Variants in KCNQ5 observed in about 807,000 individuals in gnomAD.
KCNQ5 encodes the protein potassium voltage-gated channel subfamily Q member 5.
Under a neutral mutation model 98.2 loss-of-function variants are expected in KCNQ5, and 30 were observed. That is an observed-to-expected ratio of 0.31 (90% CI 0.23 to 0.41). The LOEUF is 0.41. Among genes scored for constraint, KCNQ5 ranks in the 10% least tolerant of loss-of-function variants. The probability of loss-of-function intolerance (pLI) is 1.00; values close to 1 mark genes in which losing one functional copy is unlikely to be tolerated. For synonymous variants in KCNQ5, 458 were observed against 449.4 expected (o/e 1.02, Z -0.24); for missense variants, 835 against 1,182.5 (o/e 0.71, Z 4.31).
At chr6:72,829,294 T>G (rs1176180887) in intron 1 of KCNQ5, among the ~76,000 whole-genome samples, 1 of 152,194 alleles carries the variant, frequency 6.6e-6, no homozygotes, top group African/African-American at 2.4e-5. Context: ...AAAATGAATT[T>G]ATTTTTAAAG....
chr6:72,912,526 A>G (rs990678641), intron 1 of KCNQ5, among the ~76,000 whole-genome samples: 3 of 152,166 alleles, frequency 2.0e-5, no homozygotes, highest in Admixed American at 6.5e-5. Context: ...TTGTTACCAT[A>G]CTAATTTGGG....
chr6:73,032,778 T>C (rs1771208611), intron 2 of KCNQ5, among the ~76,000 whole-genome samples: 1 of 151,960 alleles, frequency 6.6e-6, no homozygotes, highest in African/African-American at 2.4e-5. Context: ...CACACCCAAA[T>C]AGAAACCTCA....
intron 2 of KCNQ5, among the ~76,000 whole-genome samples, chr6:73,023,377 A>AGGAT (rs983065779): frequency 6.6e-6 from 1 of 152,168 alleles, no homozygotes; most frequent in African/African-American, 2.4e-5. Context: ...GACCATCAGA[A>AGGAT]GGTACTGGAA....
chr6:73,056,332 C>T (rs550377496), intron 3 of KCNQ5, among the ~76,000 whole-genome samples: 1 of 152,042 alleles, frequency 6.6e-6, no homozygotes, highest in Non-Finnish European at 1.5e-5. Context: ...TCCCTGACCC[C>T]AGAGGAACTG....
intron 1 of KCNQ5, 114 bp from the exon 2 acceptor site, chr6:73,003,794 A>G: frequency 1.5e-6 from 1 of 664,734 alleles, no homozygotes; most frequent in South Asian, 2.0e-5. Flanking sequence ...AGTTTTTATG[A>G]GTTAATGTGT....
chr6:73,143,956 C>G (rs759141489), intron 10 of KCNQ5, among the ~76,000 whole-genome samples: 2 of 152,224 alleles, frequency 1.3e-5, no homozygotes, highest in Non-Finnish European at 2.9e-5. Flanking sequence ...AAGCACTTTT[C>G]AGCTGCATGG....
intron 1 of KCNQ5, among the ~76,000 whole-genome samples, chr6:72,838,936 C>A (rs1017378132): frequency 8.9e-6 from 1 of 112,154 alleles, no homozygotes; most frequent in African/African-American, 3.7e-5. Context: ...GGCGACAGAG[C>A]GAGACTCCGT....
At chr6:72,691,479 G>T (rs1768210839) in intron 1 of KCNQ5, among the ~76,000 whole-genome samples, 1 of 152,180 alleles carries the variant, frequency 6.6e-6, no homozygotes, top group South Asian at 2.1e-4. Context: ...TGAAGTAGTG[G>T]TTGCTAAGGG....
chr6:72,745,339 A>AT (rs1224297576), intron 1 of KCNQ5, among the ~76,000 whole-genome samples: 1 of 152,190 alleles, frequency 6.6e-6, no homozygotes, highest in Non-Finnish European at 1.5e-5. Context: ...TAGCTCTTTA[A>AT]TATCAGATCA....
intron 9 of KCNQ5, among the ~76,000 whole-genome samples, chr6:73,129,266 T>G (rs1776122129): frequency 6.6e-6 from 1 of 152,216 alleles, no homozygotes. Context: ...AACGTACTTT[T>G]CTTTCGTTTC....
At chr6:73,055,693 A>G (rs1268737973) in intron 3 of KCNQ5, 2 of 1,129,736 alleles carry the variant, frequency 1.8e-6, no homozygotes, top group East Asian at 4.8e-5. Flanking sequence ...GTCTCTCTGA[A>G]GAGGCTATCA....
At position 73,195,547 on chromosome 6, in the gene KCNQ5, T is replaced by C; in HGVS notation, c.*133T>C. 1.7e-6 allele frequency: 2 copies of C among 1,163,128 alleles called. No homozygotes were observed. Among genetic ancestry groups the C allele is most frequent in the South Asian group, 3.1e-5 (2 of 65,420 alleles). 72.1% of individuals were successfully genotyped at this position (1,163,128 alleles called of 1,614,324 possible). On this transcript the variant is annotated 3_prime_UTR_variant, in exon 14 of 14. Transcript: ENST00000370398. ...ACATGAAAGGCAGTTTATAAGCCCG[T>C]TACCTTTTAATTGCATGAAAATGCA... is the stretch of plus-strand genomic sequence containing the variant.
At chr6:73,050,693 A>G (rs941034405) in intron 3 of KCNQ5, among the ~76,000 whole-genome samples, 1 of 152,190 alleles carries the variant, frequency 6.6e-6, no homozygotes, top group Non-Finnish European at 1.5e-5. Context: ...CCATCACCCT[A>G]AATAAACTTG....
chr6:73,146,428 T>C (rs1195455835), intron 10 of KCNQ5, among the ~76,000 whole-genome samples: 2 of 151,944 alleles, frequency 1.3e-5, no homozygotes, highest in Non-Finnish European at 2.9e-5. Flanking sequence ...AGTTAGAGAC[T>C]AGCCTAGGCA....
chr6:72,687,224 G>C (rs977832824), intron 1 of KCNQ5, among the ~76,000 whole-genome samples: 3 of 152,316 alleles, frequency 2.0e-5, no homozygotes, highest in Admixed American at 1.3e-4. Flanking sequence ...TCTCTGCTCT[G>C]TTTCCACTGA....
chr6:72,889,431 T>C (rs1212404416), intron 1 of KCNQ5, among the ~76,000 whole-genome samples: 1 of 152,170 alleles, frequency 6.6e-6, no homozygotes, highest in Non-Finnish European at 1.5e-5. Context: ...CTGAAATGTA[T>C]TCAAGTAAAG....
chr6:72,969,683 A>G (rs1767779425), intron 1 of KCNQ5, among the ~76,000 whole-genome samples: 1 of 152,188 alleles, frequency 6.6e-6, no homozygotes, highest in Non-Finnish European at 1.5e-5. Context: ...TTGGTCAACA[A>G]ATTCTCAAAC....
chr6:73,051,705 C>CAAAAAAAAAAAAAAAAAAAAAA (rs201199934), intron 3 of KCNQ5, among the ~76,000 whole-genome samples: 1 of 97,180 alleles, frequency 1.0e-5, no homozygotes, highest in African/African-American at 4.1e-5. Context: ...AAGATAGAGG[C>CAAAAAAAAAAAAAAAAAAAAAA]AAAAAAAAAA....
intron 1 of KCNQ5, among the ~76,000 whole-genome samples, chr6:72,903,694 G>A (rs1779593797): frequency 6.6e-6 from 1 of 152,120 alleles, no homozygotes; most frequent in South Asian, 2.1e-4. Context: ...GTCTGAAAGA[G>A]TGCTTGATAT....
Sources: gnomAD v4.1 joint callset for allele counts (sites outside exome capture counted in the v4.1 genomes callset) on GRCh38, gnomAD v4.1.1 for gene constraint, MANE v1.5 for transcripts, NCBI Gene and HGNC (gene_info 2026-07-23, HGNC 2026-07-21) for gene names.